Variants in PALM2AKAP2 observed in about 807,000 individuals in gnomAD.
PALM2AKAP2 encodes PALM2 and AKAP2 fusion, also known as PALM2-AKAP2 fusion protein.
In PALM2AKAP2, 37 loss-of-function variants were observed where a neutral mutation model predicts 71.5. The ratio of observed to expected loss-of-function variants is 0.52; its 90% CI spans 0.40 to 0.68. PALM2AKAP2 has a LOEUF of 0.68. Ranked by LOEUF, PALM2AKAP2 falls within the 30% of genes least tolerant of loss-of-function variation. The probability of loss-of-function intolerance (pLI) is 0.00; values close to 1 mark genes in which losing one functional copy is unlikely to be tolerated. For synonymous variants in PALM2AKAP2, 468 were observed against 478.8 expected, an observed-to-expected ratio of 0.98 and a Z score of 0.29; for missense variants, 1,224 against 1,191.8, an observed-to-expected ratio of 1.03 and a Z score of -0.40.
At position 110,019,863 on chromosome 9, in the gene PALM2AKAP2, G is replaced by T. The variant is rs571456273; in HGVS notation, c.582+3824G>T. On this transcript the variant is annotated intron_variant, in intron 7 of 9. Coordinates refer to the PALM2AKAP2 transcript ENST00000302798. ...ACTATGTTCACTGTTTGGGTGATGGGTTCAGTAGAAGTCCAAATCCCAGCA... is the reference window on the plus strand; with the variant it reads ...ACTATGTTCACTGTTTGGGTGATGGTTTCAGTAGAAGTCCAAATCCCAGCA... 5.9e-5 allele frequency among the ~76,000 whole-genome samples: 9 copies of T among 152,262 alleles called. No homozygotes were observed. In the East Asian group the frequency reaches 1.7e-3, roughly 29 times the overall value.
intron 6 of PALM2AKAP2, among the ~76,000 whole-genome samples, chr9:109,950,319 C>T (rs1279584654): frequency 1.3e-5 from 2 of 151,874 alleles, no homozygotes; most frequent in East Asian, 3.8e-4. Flanking sequence ...AAACAATTAT[C>T]AGTTGGCCTT....
intron 1 of PALM2AKAP2, among the ~76,000 whole-genome samples, chr9:110,085,298 A>C (rs1834544899): frequency 6.6e-6 from 1 of 152,244 alleles, no homozygotes; most frequent in Non-Finnish European, 1.5e-5. Context: ...AAGGTACTGG[A>C]GGATATGGTC....
chr9:109,814,750 C>T (rs1827810039), intron 1 of PALM2AKAP2, among the ~76,000 whole-genome samples: 1 of 152,208 alleles, frequency 6.6e-6, no homozygotes, highest in Non-Finnish European at 1.5e-5. Context: ...ATATCTGACA[C>T]CAAGACTCAT....
At chr9:110,079,561 A>G (rs1391161753) in intron 1 of PALM2AKAP2, among the ~76,000 whole-genome samples, 1 of 152,160 alleles carries the variant, frequency 6.6e-6, no homozygotes, top group African/African-American at 2.4e-5. Context: ...GTGTTTTCCC[A>G]CAAGGAATAG....
chr9:110,050,233 G>A (rs1462869191), intron 1 of PALM2AKAP2, among the ~76,000 whole-genome samples: 1 of 152,132 alleles, frequency 6.6e-6, no homozygotes, highest in East Asian at 1.9e-4. Flanking sequence ...ATGTCTCCCG[G>A]GAAGCGCTCT....
At chr9:110,022,582 TTTATTA>T (rs1374927854) in intron 7 of PALM2AKAP2, among the ~76,000 whole-genome samples, 34 of 149,652 alleles carry the variant, frequency 2.3e-4, no homozygotes, top group African/African-American at 8.1e-4. Flanking sequence ...TTTATTTTAT[TTTATTA>T]TTATTATACT....
intron 7 of PALM2AKAP2, among the ~76,000 whole-genome samples, chr9:110,039,168 G>A (rs950714156): frequency 3.0e-4 from 46 of 152,204 alleles, no homozygotes; most frequent in Non-Finnish European, 3.8e-4. Context: ...AGGATCACTC[G>A]AGCCCAGGAA....
chr9:109,764,011 A>C (rs1250384397), intron 1 of PALM2AKAP2, among the ~76,000 whole-genome samples: 1 of 152,156 alleles, frequency 6.6e-6, no homozygotes, highest in Non-Finnish European at 1.5e-5. Flanking sequence ...CACAAGTACA[A>C]GGGGTAGGAC....
chr9:109,898,190 G>A (rs559959388), intron 3 of PALM2AKAP2, among the ~76,000 whole-genome samples: 8 of 152,274 alleles, frequency 5.3e-5, no homozygotes, highest in South Asian at 2.1e-4. Flanking sequence ...AGATCACATA[G>A]TAGCAGTGGT....
intron 1 of PALM2AKAP2, among the ~76,000 whole-genome samples, chr9:110,062,135 A>G (rs983141488): frequency 3.3e-5 from 5 of 152,196 alleles, no homozygotes; most frequent in Admixed American, 2.0e-4. Flanking sequence ...CAGGACCTAC[A>G]GGTTTGTTAC....
chr9:110,000,060 T>C (rs532843340), intron 6 of PALM2AKAP2, among the ~76,000 whole-genome samples: 1 of 152,174 alleles, frequency 6.6e-6, no homozygotes, highest in African/African-American at 2.4e-5. Context: ...GTGCACAACA[T>C]GCAGGTTTGT....
intron 3 of PALM2AKAP2, among the ~76,000 whole-genome samples, chr9:109,884,401 G>T (rs1270814288): frequency 6.6e-6 from 1 of 152,196 alleles, no homozygotes; most frequent in African/African-American, 2.4e-5. Context: ...AGCGGAGGTT[G>T]CAGTGAGCTG....
At chr9:110,090,162 T>C (rs769245210) in intron 1 of PALM2AKAP2, 5 of 323,784 alleles carry the variant, frequency 1.5e-5, no homozygotes, top group South Asian at 4.7e-5. Flanking sequence ...CCGGTTCACA[T>C]TGCAGCCTGT....
At chr9:109,758,544 G>C (rs1307410867) in intron 1 of PALM2AKAP2, among the ~76,000 whole-genome samples, 3 of 151,870 alleles carry the variant, frequency 2.0e-5, no homozygotes, top group Admixed American at 6.6e-5. Flanking sequence ...GTGTGTGTGT[G>C]TGTGTGTGTC....
At position 109,979,650 on chromosome 9, in the gene PALM2AKAP2, A is replaced by G. The variant is rs926579070; in HGVS notation, c.497-36304A>G. Among the ~76,000 whole-genome samples, 7 of 152,202 alleles carry G rather than the reference A, an allele frequency of 4.6e-5. No homozygotes were observed. The East Asian group carries it at 7.7e-4, about 17-fold the overall frequency. ...GCATAGTGCTTGGAGCACAATAGGT[A>G]TTCAACAAATGACTGATCCCATTAA... On this transcript the variant is annotated intron_variant, in intron 6 of 9. Coordinates refer to the PALM2AKAP2 transcript ENST00000302798.
At chr9:109,831,998 C>A (rs116254522) in intron 1 of PALM2AKAP2, among the ~76,000 whole-genome samples, 1 of 152,152 alleles carries the variant, frequency 6.6e-6, no homozygotes, top group Non-Finnish European at 1.5e-5. Flanking sequence ...ATAAATATTT[C>A]CTTTTGAGGG....
At chr9:110,023,734 G>A (rs1176091429) in intron 7 of PALM2AKAP2, among the ~76,000 whole-genome samples, 4 of 151,220 alleles carry the variant, frequency 2.6e-5, no homozygotes, top group African/African-American at 4.9e-5. Flanking sequence ...GCTCACACCT[G>A]TAATCCCAGC....
intron 1 of PALM2AKAP2, among the ~76,000 whole-genome samples, chr9:109,685,533 C>A (rs528441877): frequency 1.2e-4 from 18 of 151,902 alleles, no homozygotes; most frequent in Non-Finnish European, 2.5e-4. Context: ...TGTAACTACA[C>A]TATACTCTAA....
intron 7 of PALM2AKAP2, among the ~76,000 whole-genome samples, chr9:110,031,727 CT>C (rs1312929428): frequency 2.0e-5 from 3 of 152,168 alleles, no homozygotes; most frequent in Admixed American, 2.0e-4. Context: ...ATCTTCATGA[CT>C]TTGTCACAGT....
Sources: allele counts gnomAD v4.1 joint callset (sites outside exome capture counted in the v4.1 genomes callset), GRCh38; gene constraint gnomAD v4.1.1; transcripts MANE v1.5; gene names NCBI Gene and HGNC (gene_info 2026-07-23, HGNC 2026-07-21).